The following RGS6 variants were observed in gnomAD, a reference collection of about 807,000 sequenced individuals.
The protein encoded by RGS6 is regulator of G-protein signaling 6.
RGS6 carries 30 observed loss-of-function variants against 78.5 expected under a neutral mutation model. The observed-to-expected ratio is 0.38, with a 90% CI of 0.29 to 0.52. RGS6 has a LOEUF of 0.52. Among genes scored for constraint, RGS6 ranks in the 20% least tolerant of loss-of-function variants. The pLI, the probability that RGS6 is intolerant of heterozygous loss-of-function variation, is 0.85. For synonymous variants in RGS6, 206 were observed against 206.0 expected (o/e 1.00, Z 0.00); for missense variants, 495 against 609.7 (o/e 0.81, Z 1.98).
chr14:72,061,096 C>T (rs1178618212), intron 2 of RGS6, among the ~76,000 whole-genome samples: 1 of 152,200 alleles, frequency 6.6e-6, no homozygotes, highest in East Asian at 1.9e-4. Flanking sequence ...ATGTGTCTTG[C>T]TGTGGCTAAT....
chr14:72,507,482 TG>T (rs2096822800), intron 13 of RGS6, among the ~76,000 whole-genome samples: 1 of 152,256 alleles, frequency 6.6e-6, no homozygotes, highest in African/African-American at 2.4e-5. Context: ...CAGGGTATCC[TG>T]TCTCTCTAGA....
chr14:72,571,326 C>T (rs1462844859), downstream of RGS6, among the ~76,000 whole-genome samples: 2 of 152,160 alleles, frequency 1.3e-5, no homozygotes, highest in African/African-American at 4.8e-5. Context: ...ATGTCCTTAG[C>T]CCATCTAGTC....
chr14:72,237,537 A>G (rs1302224054), intron 2 of RGS6, among the ~76,000 whole-genome samples: 5 of 152,174 alleles, frequency 3.3e-5, no homozygotes, highest in Non-Finnish European at 5.9e-5. Context: ...AGGCAGAGGC[A>G]ATCCACACAA....
intron 2 of RGS6, among the ~76,000 whole-genome samples, chr14:72,129,520 C>A (rs890184785): frequency 1.3e-5 from 2 of 152,196 alleles, no homozygotes; most frequent in Non-Finnish European, 2.9e-5. Flanking sequence ...TGGCTTATAA[C>A]AGCAGATGGA....
intron 15 of RGS6, among the ~76,000 whole-genome samples, chr14:72,522,168 G>A (rs985889915): frequency 6.6e-6 from 1 of 152,190 alleles, no homozygotes; most frequent in African/African-American, 2.4e-5. Context: ...AGCAGATTTG[G>A]TTGCTGGTGA....
At chr14:72,451,190 C>T (rs775970446) in intron 3 of RGS6, among the ~76,000 whole-genome samples, 19 of 152,172 alleles carry the variant, frequency 1.2e-4, no homozygotes, top group African/African-American at 3.9e-4. Context: ...CAGGGGCAGC[C>T]GCTCAGCCCT....
At chr14:71,923,542 A>G in the RGS6 span, among the ~76,000 whole-genome samples, 4 of 152,158 alleles carry the variant, frequency 2.6e-5, no homozygotes, top group African/African-American at 9.7e-5. Context: ...GAAACATAGC[A>G]AGACCTCATA....
At chr14:72,126,077 C>G (rs369703959) in intron 2 of RGS6, among the ~76,000 whole-genome samples, 3 of 152,186 alleles carry the variant, frequency 2.0e-5, no homozygotes, top group East Asian at 1.9e-4. Flanking sequence ...GGTTAGCCCT[C>G]GCTTTCAGAG....
chr14:72,566,886 C>A (rs974348349), downstream of RGS6, among the ~76,000 whole-genome samples: 1 of 152,126 alleles, frequency 6.6e-6, no homozygotes, highest in Non-Finnish European at 1.5e-5. Context: ...TGCTCTGACA[C>A]CCTCTTGAAT....
At chr14:72,584,332 A>C in the RGS6 span, among the ~76,000 whole-genome samples, 1 of 152,204 alleles carries the variant, frequency 6.6e-6, no homozygotes, top group Non-Finnish European at 1.5e-5. Context: ...CCCTTTTTAC[A>C]GATTTATATT....
intron 17 of RGS6, chr14:72,547,382 C>CCG (rs56843363): frequency 0.032 from 44,576 of 1,388,216 alleles, 316 homozygotes; most frequent in East Asian, 0.13. Flanking sequence ...GACCCCCCCC[C>CCG]GACCCATGGA....
intron 2 of RGS6, among the ~76,000 whole-genome samples, chr14:72,082,350 C>A (rs2094859895): frequency 6.6e-6 from 1 of 151,952 alleles, no homozygotes; most frequent in South Asian, 2.1e-4. Context: ...TTGTAGAGTT[C>A]TTTTACCTCT....
At chr14:72,433,850 G>A (rs1052191322) in intron 3 of RGS6, among the ~76,000 whole-genome samples, 10 of 152,298 alleles carry the variant, frequency 6.6e-5, no homozygotes, top group East Asian at 1.9e-4. Context: ...ATGACCACCC[G>A]TTTCATCAGG....
chr14:72,043,546 C>T (rs1424169518), intron 2 of RGS6, among the ~76,000 whole-genome samples: 1 of 152,122 alleles, frequency 6.6e-6, no homozygotes, highest in African/African-American at 2.4e-5. Context: ...CCATTTAACA[C>T]ATTAAATATT....
intron 2 of RGS6, among the ~76,000 whole-genome samples, chr14:72,343,675 C>T (rs962974459): frequency 9.2e-5 from 14 of 152,158 alleles, no homozygotes; most frequent in Non-Finnish European, 7.3e-5. Context: ...TTAGGTGAGC[C>T]CGGGCCACCC....
intron 2 of RGS6, among the ~76,000 whole-genome samples, chr14:72,122,711 G>GATT: frequency 6.7e-6 from 1 of 150,350 alleles, no homozygotes; most frequent in Non-Finnish European, 1.5e-5. Flanking sequence ...GAATCAGAAT[G>GATT]AGGCCAGCAC....
chr14:72,320,430 T>C (rs2071586898), intron 2 of RGS6, among the ~76,000 whole-genome samples: 1 of 151,894 alleles, frequency 6.6e-6, no homozygotes, highest in South Asian at 2.1e-4. Context: ...AATTAAAAAT[T>C]AGCTGGGCGT....
At chr14:72,604,576 C>T in the RGS6 span, among the ~76,000 whole-genome samples, 2 of 152,154 alleles carry the variant, frequency 1.3e-5, no homozygotes, top group East Asian at 1.9e-4. Context: ...CCACATGAGA[C>T]GGTGAGTTGT....
At chr14:72,367,901 T>G (rs1445340425) in intron 3 of RGS6, among the ~76,000 whole-genome samples, 6 of 152,210 alleles carry the variant, frequency 3.9e-5, no homozygotes, top group Admixed American at 1.3e-4. Flanking sequence ...TAGTCCATTC[T>G]GACTCTGATC....
Sources: gnomAD v4.1 joint callset for allele counts (sites outside exome capture counted in the v4.1 genomes callset) on GRCh38, gnomAD v4.1.1 for gene constraint, MANE v1.5 for transcripts, NCBI Gene and HGNC (gene_info 2026-07-23, HGNC 2026-07-21) for gene names.